MAN1A1: variants seen among roughly 807,000 people sequenced by gnomAD.
The protein encoded by MAN1A1 is mannosidase alpha class 1A member 1.
Under a neutral mutation model 70.8 loss-of-function variants are expected in MAN1A1, and 29 were observed. The observed-to-expected ratio is 0.41, with a 90% confidence interval of 0.31 to 0.56. The LOEUF (loss-of-function observed/expected upper bound fraction) is 0.56. Among genes scored for constraint, MAN1A1 ranks in the 20% least tolerant of loss-of-function variants. The probability of loss-of-function intolerance (pLI) is 0.29; values close to 1 mark genes in which losing one functional copy is unlikely to be tolerated. For synonymous variants in MAN1A1, 349 were observed against 330.1 expected (o/e 1.06, Z -0.62); for missense variants, 747 against 841.3 (o/e 0.89, Z 1.39).
intron 2 of MAN1A1, among the ~76,000 whole-genome samples, chr6:119,332,714 G>A (rs1011403725): frequency 5.9e-5 from 9 of 151,610 alleles, no homozygotes; most frequent in African/African-American, 1.9e-4. Context: ...CTACTCCAGA[G>A]GCTGAGGCTG....
At chr6:119,320,317 A>G (rs886233813) in intron 2 of MAN1A1, among the ~76,000 whole-genome samples, 23 of 152,138 alleles carry the variant, frequency 1.5e-4, no homozygotes, top group African/African-American at 5.6e-4. Context: ...TTTAAAGTTC[A>G]AACTAAAGTT....
intron 5 of MAN1A1, among the ~76,000 whole-genome samples, chr6:119,275,264 C>A (rs1275073806): frequency 7.8e-6 from 1 of 127,598 alleles, no homozygotes; most frequent in Non-Finnish European, 1.6e-5. Context: ...GCATGCACCA[C>A]CATACCCAGC....
chr6:119,187,300 C>T (rs141269250), intron 11 of MAN1A1, among the ~76,000 whole-genome samples: 5 of 152,132 alleles, frequency 3.3e-5, no homozygotes, highest in African/African-American at 4.8e-5. Flanking sequence ...CATTTGCTGG[C>T]CAATTGAAGA....
chr6:119,204,734 G>A (rs1773810282), intron 7 of MAN1A1, 25 bp downstream of exon 7: 1 of 1,613,368 alleles, frequency 6.2e-7, no homozygotes, highest in Non-Finnish European at 8.5e-7. Context: ...TGCTTTGCAG[G>A]CCAAGGCACA....
chr6:119,206,806 A>G (rs929780381), intron 6 of MAN1A1, among the ~76,000 whole-genome samples: 3 of 152,246 alleles, frequency 2.0e-5, no homozygotes, highest in African/African-American at 7.2e-5. Context: ...CAATAAGCCT[A>G]TTTAGCAAAA....
intron 5 of MAN1A1, among the ~76,000 whole-genome samples, chr6:119,263,346 T>G (rs938575959): frequency 6.6e-6 from 1 of 152,134 alleles, no homozygotes; most frequent in African/African-American, 2.4e-5. Context: ...TACAATGTCC[T>G]TGCATCAACA....
intron 2 of MAN1A1, among the ~76,000 whole-genome samples, chr6:119,314,249 G>A (rs1171728151): frequency 6.6e-6 from 1 of 152,232 alleles, no homozygotes; most frequent in African/African-American, 2.4e-5. Context: ...GAGATCTGAG[G>A]TGCATAAAGC....
At chr6:119,227,431 A>C (rs912496439) in intron 6 of MAN1A1, among the ~76,000 whole-genome samples, 1 of 152,206 alleles carries the variant, frequency 6.6e-6, no homozygotes, top group African/African-American at 2.4e-5. Flanking sequence ...TATGCCTCCA[A>C]AAAGTGGATA....
intron 8 of MAN1A1, 113 bp downstream of exon 8, chr6:119,201,141 T>C (rs9387641): frequency 0.34 from 262,118 of 762,986 alleles, 46,606 homozygotes; most frequent in East Asian, 0.54. Flanking sequence ...AGCCATGCCC[T>C]TTTCTCCTTT....
intron 4 of MAN1A1, among the ~76,000 whole-genome samples, chr6:119,294,473 A>T (rs768675264): frequency 2.0e-5 from 3 of 152,016 alleles, no homozygotes; most frequent in Non-Finnish European, 2.9e-5. Context: ...CAGTCTACCT[A>T]TCTGAGTTTG....
At chr6:119,329,314 T>A (rs1773240705) in intron 2 of MAN1A1, among the ~76,000 whole-genome samples, 1 of 152,082 alleles carries the variant, frequency 6.6e-6, no homozygotes, top group Admixed American at 6.5e-5. Context: ...AAAGCATGTA[T>A]GACTGAAGAC....
chr6:119,332,368 G>C (rs1324615771), intron 2 of MAN1A1, among the ~76,000 whole-genome samples: 1 of 152,180 alleles, frequency 6.6e-6, no homozygotes, highest in Non-Finnish European at 1.5e-5. Context: ...ATACATGATG[G>C]AGTATAACTG....
chr6:119,205,633 C>T (rs1199716394), intron 6 of MAN1A1, among the ~76,000 whole-genome samples: 1 of 152,122 alleles, frequency 6.6e-6, no homozygotes, highest in Non-Finnish European at 1.5e-5. Flanking sequence ...TACATACATA[C>T]AAATACACAT....
intron 6 of MAN1A1, among the ~76,000 whole-genome samples, chr6:119,239,121 G>A (rs1027377896): frequency 2.0e-5 from 3 of 151,788 alleles, no homozygotes; most frequent in Non-Finnish European, 4.4e-5. Flanking sequence ...CTCGTGATCC[G>A]CCCGCCTCAG....
At chr6:119,183,720 C>G (rs1773213581) in intron 11 of MAN1A1, among the ~76,000 whole-genome samples, 1 of 152,090 alleles carries the variant, frequency 6.6e-6, no homozygotes, top group South Asian at 2.1e-4. Context: ...AATCACCTTT[C>G]TTTCTAGTTC....
At chr6:119,315,324 C>T (rs1203659007) in intron 2 of MAN1A1, among the ~76,000 whole-genome samples, 1 of 152,064 alleles carries the variant, frequency 6.6e-6, no homozygotes, top group African/African-American at 2.4e-5. Flanking sequence ...GAAATGAAAG[C>T]GTGGTTAGCA....
intron 2 of MAN1A1, among the ~76,000 whole-genome samples, chr6:119,318,967 T>G (rs1772927487): frequency 6.6e-6 from 1 of 152,222 alleles, no homozygotes; most frequent in African/African-American, 2.4e-5. Flanking sequence ...CTAGCTTGAA[T>G]GTCAATAATA....
At chr6:119,277,763 C>T (rs548128093) in intron 5 of MAN1A1, among the ~76,000 whole-genome samples, 23 of 151,484 alleles carry the variant, frequency 1.5e-4, no homozygotes, top group African/African-American at 4.8e-4. Flanking sequence ...GGGGAAAACC[C>T]GTCTCTACTA....
chr6:119,350,511 TTCAC>T, upstream of MAN1A1: 5 of 985,314 alleles, frequency 5.1e-6, no homozygotes, highest in Non-Finnish European at 6.0e-6. Flanking sequence ...CACCCGTACT[TTCAC>T]TATTCATTTA....
Sources: allele counts gnomAD v4.1 joint callset (sites outside exome capture counted in the v4.1 genomes callset), GRCh38; gene constraint gnomAD v4.1.1; transcripts MANE v1.5; gene names NCBI Gene and HGNC (gene_info 2026-07-23, HGNC 2026-07-21).